ATP10B: variants seen among roughly 807,000 people sequenced by gnomAD.
The protein encoded by ATP10B is phospholipid-transporting ATPase VB.
Under a neutral mutation model 141.2 loss-of-function variants are expected in ATP10B, and 122 were observed. The observed-to-expected ratio is 0.86, with a 90% CI of 0.75 to 1.00. The LOEUF (loss-of-function observed/expected upper bound fraction) is 1.00, where lower values mean the gene tolerates loss of function less well. ATP10B is among the 50% of genes least tolerant of loss of function. ATP10B has a pLI of 0.00. For synonymous variants in ATP10B, 685 were observed against 692.0 expected (o/e 0.99, Z 0.16); for missense variants, 1,876 against 1,825.3 (o/e 1.03, Z -0.51).
intron 2 of ATP10B, among the ~76,000 whole-genome samples, chr5:160,751,499 C>G (rs148375297): frequency 3.5e-4 from 53 of 152,182 alleles, no homozygotes; most frequent in African/African-American, 1.2e-3. Context: ...TTCACTTTCT[C>G]TGTTGGGGGA....
At position 160,606,823 on chromosome 5, in the gene ATP10B, C is replaced by G. The variant is rs766862891; in HGVS notation, c.3102G>C (p.Gln1034His). The G allele has an allele frequency of 3.7e-6, 6 of 1,614,054 alleles. No homozygotes were observed. Among genetic ancestry groups the G allele is most frequent in the Non-Finnish European group, 5.1e-6 (6 of 1,180,014 alleles). ...GCACCAGCTTGACTATCATACTCTTCTGGAGTGGCGTGGAGCGGCAGCACA... is the reference window on the plus strand; with the variant it reads ...GCACCAGCTTGACTATCATACTCTTGTGGAGTGGCGTGGAGCGGCAGCACA... The part of the protein sequence containing the change: ...SVLCCRSTPL[Q>H]KSMIVKLVRD... Residue 1034 changes from glutamine to histidine, a missense_variant, in exon 19 of 26, where the codon CAG (glutamine) becomes CAC (histidine). Physicochemically the swap from Gln to His is conservative, Grantham distance 24. Transcript: ENST00000327245.
the ATP10B span, among the ~76,000 whole-genome samples, chr5:160,924,929 A>G: frequency 6.6e-6 from 1 of 152,206 alleles, no homozygotes; most frequent in Non-Finnish European, 1.5e-5. Context: ...TTGCCTGCCC[A>G]CAGAGAGAAT....
At position 160,565,140 on chromosome 5, in the gene ATP10B, G is replaced by T; in HGVS notation, c.*313C>A. 3.0e-6 allele frequency: 1 copy of T among 335,226 alleles called. No individual in the cohort carries two copies. Among genetic ancestry groups the T allele is most frequent in the Non-Finnish European group, 5.5e-6 (1 of 181,570 alleles). 20.8% of individuals were successfully genotyped at this position (335,226 alleles called of 1,614,324 possible). A position where few individuals can be genotyped will look rare whatever the true frequency, so the allele number is the denominator to read the frequency against. On this transcript the variant is annotated 3_prime_UTR_variant, in exon 26 of 26. Transcript: ENST00000327245. Reference sequence around the variant, plus strand: ...CTTACGGCACTGGGTTGTAGGCTACGCTTATCTAGAGGGTCAGAAGAATGG... The same window carrying T: ...CTTACGGCACTGGGTTGTAGGCTACTCTTATCTAGAGGGTCAGAAGAATGG...
At chr5:160,783,776 T>C (rs558304378) in intron 2 of ATP10B, among the ~76,000 whole-genome samples, 2 of 152,034 alleles carry the variant, frequency 1.3e-5, no homozygotes, top group Non-Finnish European at 2.9e-5. Context: ...GACCAAATGG[T>C]AGTTCTACTT....
At chr5:160,819,256 C>G (rs1461052165) in intron 1 of ATP10B, among the ~76,000 whole-genome samples, 1 of 151,964 alleles carries the variant, frequency 6.6e-6, no homozygotes, top group Non-Finnish European at 1.5e-5. Context: ...ATCTTACAGG[C>G]CAGGAGAGCA....
intron 13 of ATP10B, 69 bp from the exon 14 acceptor site, chr5:160,622,654 G>A (rs915712403): frequency 1.4e-6 from 2 of 1,397,780 alleles, no homozygotes; most frequent in Non-Finnish European, 2.0e-6. Flanking sequence ...ATCTTCACAT[G>A]CCTGGGGAAA....
At chr5:160,728,401 C>T (rs1281346963) in intron 2 of ATP10B, among the ~76,000 whole-genome samples, 5 of 152,254 alleles carry the variant, frequency 3.3e-5, no homozygotes, top group South Asian at 4.2e-4. Context: ...TCTAACTATA[C>T]GTATGTGATA....
rs73819452 is a variant in ATP10B at position 160,590,494 on chromosome 5, C to A, written c.3645+565G>T. Among the ~76,000 whole-genome samples, 108 of 152,312 alleles carry A rather than the reference C, an allele frequency of 7.1e-4. 1 individual carries two copies. The highest frequency in any genetic ancestry group is 2.6e-3 in the African/African-American group (106 of 41,564). On this transcript the variant is annotated intron_variant, in intron 23 of 25. Transcript: ENST00000327245. ...ACATATATTGTTTGCTACCTAAATT[C>A]TCACTATTTAAACTGAGGAATCAAA...
chr5:160,806,593 G>T (rs543544588), intron 1 of ATP10B, among the ~76,000 whole-genome samples: 44 of 152,210 alleles, frequency 2.9e-4, no homozygotes, highest in Admixed American at 2.7e-3. Context: ...TCTAAGGAAG[G>T]GGGGGATAAT....
intron 13 of ATP10B, among the ~76,000 whole-genome samples, chr5:160,627,501 G>A (rs936698036): frequency 1.3e-5 from 2 of 152,182 alleles, no homozygotes; most frequent in African/African-American, 2.4e-5. Context: ...GAAGAAGCAG[G>A]CCCTTCTGTT....
chr5:160,847,647 C>T (rs1776209368), intron 1 of ATP10B, among the ~76,000 whole-genome samples: 1 of 152,134 alleles, frequency 6.6e-6, no homozygotes, highest in Admixed American at 6.6e-5. Context: ...TGAGAAGCAA[C>T]AAGATTTGAT....
intron 7 of ATP10B, among the ~76,000 whole-genome samples, chr5:160,658,786 A>G (rs1237141409): frequency 6.6e-6 from 1 of 152,202 alleles, no homozygotes; most frequent in Non-Finnish European, 1.5e-5. Flanking sequence ...AACATATCAC[A>G]AGAAACATAG....
chr5:160,926,843 T>C, the ATP10B span, among the ~76,000 whole-genome samples: 955 of 152,370 alleles, frequency 6.3e-3, 2 homozygotes, highest in South Asian at 0.01. Flanking sequence ...TTTGGTACTG[T>C]GGATTTTCTG....
intron 3 of ATP10B, among the ~76,000 whole-genome samples, chr5:160,708,969 G>A (rs1175807173): frequency 6.6e-6 from 1 of 152,142 alleles, no homozygotes; most frequent in Non-Finnish European, 1.5e-5. Context: ...CAACAGACCC[G>A]TGTAGATATG....
rs779737026 is a variant in ATP10B at position 160,632,220 on chromosome 5, C to G, written c.1529G>C (p.Ser510Thr). 6.2e-7 allele frequency: 1 copy of G among 1,614,196 alleles called. No homozygotes were observed. Among genetic ancestry groups the G allele is most frequent in the Non-Finnish European group, 8.5e-7 (1 of 1,180,034 alleles). Residue 510 changes from serine (S) to threonine (T), a missense_variant, in exon 13 of 26, where the codon AGT becomes ACT. Coordinates refer to ENST00000327245, the MANE Select transcript of ATP10B (RefSeq NM_025153.3). ...GTGGCCCTGGATGGGCACCCGGGCA[C>G]TCTGGCTCCTCCTCAGAGGCTGAGC... ...KGAQPLRRSQ[S>T]ARVPIQGHYR...
chr5:160,853,675 A>C (rs971867876), upstream of ATP10B, among the ~76,000 whole-genome samples: 2 of 152,158 alleles, frequency 1.3e-5, no homozygotes, highest in Non-Finnish European at 1.5e-5. Context: ...TTCATTTTCC[A>C]AACTGCCTGG....
In ATP10B at chr5:160,564,955, A is replaced by G. The variant is rs1377946277; in HGVS notation, c.*498T>C. 2 of 153,472 alleles carry G rather than the reference A, an allele frequency of 1.3e-5. No homozygotes were observed. Among genetic ancestry groups the G allele is most frequent in the Admixed American group, 1.3e-4 (2 of 15,414 alleles). The allele number at this position is 153,472 out of a possible 1,614,324, so 9.5% of individuals were successfully genotyped here. On this transcript the variant is annotated 3_prime_UTR_variant, in exon 26 of 26. Transcript: ENST00000327245. Reference sequence around the variant, plus strand: ...CTCGCTGTGCCTGGAAGGGATGTTAACCCCGATTCAGCCATTACTGCAATA... The same window carrying G: ...CTCGCTGTGCCTGGAAGGGATGTTAGCCCCGATTCAGCCATTACTGCAATA...
chr5:160,866,363 G>A, the ATP10B span, among the ~76,000 whole-genome samples: 8 of 152,016 alleles, frequency 5.3e-5, no homozygotes, highest in Non-Finnish European at 7.4e-5. Context: ...CTAAGCTATG[G>A]GATGCAAAGC....
At chr5:160,779,991 A>G (rs888145695) in intron 2 of ATP10B, among the ~76,000 whole-genome samples, 41 of 152,236 alleles carry the variant, frequency 2.7e-4, no homozygotes, top group African/African-American at 9.9e-4. Flanking sequence ...GAAGCTATCA[A>G]CTGTTCAGAT....
Sources: allele counts gnomAD v4.1 joint callset (sites outside exome capture counted in the v4.1 genomes callset), GRCh38; gene constraint gnomAD v4.1.1; transcripts MANE v1.5; gene names NCBI Gene and HGNC (gene_info 2026-07-23, HGNC 2026-07-21).